The following PRDM15 variants were observed in gnomAD, a reference collection of about 807,000 sequenced individuals.
PRDM15 encodes PR domain zinc finger protein 15.
A neutral mutation model predicts 128.6 loss-of-function variants in PRDM15; 64 were observed. The ratio of observed to expected loss-of-function variants is 0.50; its 90% CI spans 0.41 to 0.61. The LOEUF is 0.61. Among genes scored for constraint, PRDM15 ranks in the 20% least tolerant of loss-of-function variants. PRDM15 has a pLI of 0.00. For missense variants in PRDM15, 1,242 were observed against 1,569.1 expected, an observed-to-expected ratio of 0.79 and a Z score of 3.52; for synonymous variants, 615 against 621.8, an observed-to-expected ratio of 0.99 and a Z score of 0.16.
Position 41,823,469 on chromosome 21 carries a change from T to A in PRDM15, c.1630-20A>T. 2 of 1,546,778 alleles carry A rather than the reference T, an allele frequency of 1.3e-6. No homozygotes were observed. The highest frequency in any genetic ancestry group is 8.7e-7 in the Non-Finnish European group (1 of 1,146,132). On this transcript the variant is annotated intron_variant, in intron 13 of 23. Coordinates refer to ENST00000398548, the MANE Select transcript of PRDM15 (RefSeq NM_001040424.3). ...GAACACCTGTGGCAGAGGAGCCGCATGGTGAGGGGCTGCGGCGTCTCGTGA... is the reference window on the plus strand; with the variant it reads ...GAACACCTGTGGCAGAGGAGCCGCAAGGTGAGGGGCTGCGGCGTCTCGTGA...
chr21:41,828,136 C>T lies in PRDM15; in HGVS notation c.1534+30G>A, dbSNP rs1187919676. On this transcript the variant is annotated intron_variant, in intron 12 of 23. Transcript: ENST00000398548. The surrounding 1 kb of genome is among the most constrained non-coding windows in gnomAD (Gnocchi z 5.7). ...CCACCCCGCAGGAGCTGCCTCTCCC[C>T]GCCCGCAGCAGGTGCGCAGGCGGCC... 3.1e-6 allele frequency: 5 copies of T among 1,609,560 alleles called. No individual in the cohort carries two copies. The highest frequency in any genetic ancestry group is 1.7e-5 in the Admixed American group (1 of 59,968).
In PRDM15 at chr21:41,821,883, G is replaced by A. The variant is rs202065965; in HGVS notation, c.1896+20C>T. 3.9e-5 allele frequency: 63 copies of A among 1,613,000 alleles called. No homozygotes were observed. The highest frequency in any genetic ancestry group is 2.9e-4 in the African/African-American group (22 of 75,046). On this transcript the variant is annotated intron_variant, in intron 15 of 23. Transcript: ENST00000398548. This position sits in a 1 kb window ranked among gnomAD's most constrained non-coding sequence, Gnocchi z 5.4. ...TTCCTCTCCAGACCACCCAGGCACC[G>A]CGGGGCAAACCCGCCATACCTGGCA...
intron 18 of PRDM15, among the ~76,000 whole-genome samples, chr21:41,819,307 G>T (rs372536009): frequency 7.0e-6 from 1 of 143,692 alleles, no homozygotes; most frequent in South Asian, 2.3e-4. Context: ...AGCCTGGCCC[G>T]TGGCCCCCAG....
At position 41,859,243 on chromosome 21, in the gene PRDM15, G is replaced by A. The variant is rs749981062; in HGVS notation, c.131+349C>T. ...CAGGCCAAGACCTGGAATGCAGAGA[G>A]AAGCCAACGAGCAGACCTCCAGCTT... On this transcript the variant is annotated intron_variant, in intron 3 of 23. Transcript: ENST00000398548. The surrounding 1 kb of genome is among the most constrained non-coding windows in gnomAD (Gnocchi z 5.3). 1.4e-5 allele frequency: 22 copies of A among 1,612,502 alleles called. No homozygotes were observed. In the South Asian group the frequency reaches 2.0e-4, roughly 15 times the overall value.
At chr21:41,872,639 A>C (rs2146029572) in intron 1 of PRDM15, among the ~76,000 whole-genome samples, 1 of 152,264 alleles carries the variant, frequency 6.6e-6, no homozygotes. Flanking sequence ...CATCATCTCA[A>C]ACATGTATCA....
chr21:41,874,502 C>CATAT lies in PRDM15; in HGVS notation c.-10+4764_-10+4767dup, dbSNP rs756151491. Among the ~76,000 whole-genome samples, 192 of 118,632 alleles carry CATAT rather than the reference C, an allele frequency of 1.6e-3. 3 individuals carry two copies. Among genetic ancestry groups the CATAT allele is most frequent in the South Asian group, 3.2e-3 (11 of 3,458 alleles). 77.8% of individuals were successfully genotyped at this position (118,632 alleles called of 152,430 possible). A position where few individuals can be genotyped will look rare whatever the true frequency, so the allele number is the denominator to read the frequency against. The stretch of plus-strand genomic sequence containing the variant: ...AAACCTACTATAACTAAGCAGCATG[C>CATAT]ATATATATATATATATATATATATT... On this transcript the variant is annotated intron_variant, in intron 1 of 23. Transcript: ENST00000398548.
intron 19 of PRDM15, chr21:41,814,752 C>T (rs2061986297): frequency 1.3e-5 from 2 of 150,802 alleles, no homozygotes; most frequent in African/African-American, 5.1e-5. Context: ...AGTGATTGCG[C>T]AGGGTGCTCT....
At chr21:41,860,464 G>C in intron 1 of PRDM15, 92 bp from the exon 2 acceptor site, 1 of 1,079,534 alleles carries the variant, frequency 9.3e-7, no homozygotes, top group Non-Finnish European at 1.4e-6. Flanking sequence ...TGTTGCCCAG[G>C]ATAGATAGAG....
intron 21 of PRDM15, among the ~76,000 whole-genome samples, chr21:41,807,814 C>A (rs1487384874): frequency 6.6e-6 from 1 of 152,154 alleles, no homozygotes; most frequent in Non-Finnish European, 1.5e-5. Flanking sequence ...CAAAGACGGA[C>A]AAAATCCCCC....
intron 21 of PRDM15, among the ~76,000 whole-genome samples, chr21:41,805,177 G>A (rs915774536): frequency 1.3e-5 from 2 of 152,182 alleles, no homozygotes; most frequent in African/African-American, 4.8e-5. Flanking sequence ...CCTCCCACCA[G>A]CTCAGTGCGT....
chr21:41,853,222 T>C (rs2063481789), intron 5 of PRDM15, among the ~76,000 whole-genome samples: 1 of 152,198 alleles, frequency 6.6e-6, no homozygotes, highest in East Asian at 1.9e-4. Context: ...GGACCTGGGA[T>C]TAGGGACAAC....
chr21:41,822,128 A>G, intron 14 of PRDM15, 91 bp from the exon 15 acceptor site: 3 of 1,562,190 alleles, frequency 1.9e-6, no homozygotes, highest in South Asian at 2.2e-5. Context: ...TCATTTCCCC[A>G]GATGCAGAAG....
chr21:41,821,120 G>A lies in PRDM15; in HGVS notation c.2007C>T (p.Tyr669=), dbSNP rs376765223. Residue 669 remains tyrosine, a synonymous_variant, in exon 16 of 24, where the codon TAC becomes TAT. Transcript: ENST00000398548. This position sits in a 1 kb window ranked among gnomAD's most constrained non-coding sequence, Gnocchi z 5.4. ...CNRRFALKAT[Y]HAHMVIHREN... The stretch of plus-strand genomic sequence containing the variant: ...CACGGTGGATGACCATGTGGGCGTG[G>A]TAGGTGGCCTTCAGTGCAAAGCGCC... 13 of 1,614,128 alleles carry A rather than the reference G, an allele frequency of 8.1e-6. No homozygotes were observed. The African/African-American group carries it at 1.3e-4, about 17-fold the overall frequency.
intron 1 of PRDM15, among the ~76,000 whole-genome samples, chr21:41,873,994 C>T (rs115392986): frequency 0.012 from 1,824 of 149,866 alleles, 40 homozygotes; most frequent in African/African-American, 0.043. Flanking sequence ...TGCAGTGAGC[C>T]GAGGTTGCAG....
intron 21 of PRDM15, among the ~76,000 whole-genome samples, chr21:41,806,801 C>T (rs1057286563): frequency 6.6e-6 from 1 of 151,592 alleles, no homozygotes; most frequent in Admixed American, 6.6e-5. Flanking sequence ...CCACCATCAC[C>T]GCCTCCTCCA....
intron 11 of PRDM15, among the ~76,000 whole-genome samples, chr21:41,833,585 T>G (rs550439016): frequency 1.3e-5 from 2 of 152,362 alleles, no homozygotes; most frequent in East Asian, 3.9e-4. Flanking sequence ...AATCATATAT[T>G]ATGCAAACAA....
intron 23 of PRDM15, 73 bp downstream of exon 23, chr21:41,802,639 C>G (rs2146136692): frequency 8.2e-7 from 1 of 1,214,784 alleles, no homozygotes; most frequent in Admixed American, 1.7e-5. Flanking sequence ...GAGATGGAGT[C>G]ACACACACGT....
chr21:41,812,499 G>A (rs2061896876), intron 19 of PRDM15: 1 of 152,136 alleles, frequency 6.6e-6, no homozygotes, highest in Non-Finnish European at 1.5e-5. Context: ...TGTATGAGGA[G>A]GCTGAATCTC....
At chr21:41,829,189 CCA>C (rs1182091393) in intron 11 of PRDM15, among the ~76,000 whole-genome samples, 28 of 148,558 alleles carry the variant, frequency 1.9e-4, no homozygotes, top group Non-Finnish European at 1.2e-4. Flanking sequence ...CATACACACA[CCA>C]CACACACATA....
Sources: allele counts gnomAD v4.1 joint callset (sites outside exome capture counted in the v4.1 genomes callset), GRCh38; gene constraint gnomAD v4.1.1; non-coding constraint Gnocchi (gnomAD v3.1); transcripts MANE v1.5; gene names NCBI Gene and HGNC (gene_info 2026-07-23, HGNC 2026-07-21).